Variants in SOS1 observed in about 807,000 individuals in gnomAD.
SOS1 encodes the protein SOS Ras/Rac guanine nucleotide exchange factor 1.
Under a neutral mutation model 157.6 loss-of-function variants are expected in SOS1, and 25 were observed. The ratio of observed to expected loss-of-function variants is 0.16; its 90% CI spans 0.12 to 0.22. The LOEUF is 0.22. SOS1 is among the 10% of genes least tolerant of loss of function. The probability of loss-of-function intolerance (pLI) is 1.00; values close to 1 mark genes in which losing one functional copy is unlikely to be tolerated. For missense variants in SOS1, 1,237 were observed against 1,599.1 expected (o/e 0.77, Z 3.86); for synonymous variants, 528 against 534.0 (o/e 0.99, Z 0.16).
intron 1 of SOS1, among the ~76,000 whole-genome samples, chr2:39,085,847 G>A (rs1672349174): frequency 1.3e-5 from 2 of 152,152 alleles, no homozygotes; most frequent in Admixed American, 1.3e-4. Flanking sequence ...AAGAGACACA[G>A]GCCCCACCCT....
intron 10 of SOS1, among the ~76,000 whole-genome samples, chr2:39,018,122 C>T (rs1669684431): frequency 6.6e-6 from 1 of 151,730 alleles, no homozygotes; most frequent in Non-Finnish European, 1.5e-5. Context: ...CATAAAAATA[C>T]AAAAGCCAGT....
At position 38,989,279 on chromosome 2, in the gene SOS1, G is replaced by T; in HGVS notation, c.3382C>A (p.His1128Asn). 6.2e-7 allele frequency: 1 copy of T among 1,603,664 alleles called. No homozygotes were observed. Among genetic ancestry groups the T allele is most frequent in the Non-Finnish European group, 8.5e-7 (1 of 1,170,872 alleles). The change falls in exon 21 of 23, where the codon CAT (histidine) becomes AAT (asparagine). Residue 1128 changes from histidine to asparagine, a missense_variant. By Grantham distance (68) the His-to-Asn change is moderately conservative (BLOSUM62 1). Transcript: ENST00000402219. ...AACCAAATATACTAACTTGGGCCAT[G>T]GGGCAGAGTAACTTGGATAAAGACG... ...DTVFIQVTLP[H>N]GPRSASVSSI...
chr2:39,040,928 A>C (rs1475789077), intron 6 of SOS1, among the ~76,000 whole-genome samples: 2 of 152,246 alleles, frequency 1.3e-5, no homozygotes, highest in African/African-American at 2.4e-5. Flanking sequence ...ACTGTCTGCC[A>C]AGCAGTTGCT....
At position 39,010,630 on chromosome 2, in the gene SOS1, G is replaced by A; in HGVS notation, c.2464C>T (p.Leu822=). The A allele has an allele frequency of 6.2e-7, 1 of 1,608,760 alleles. No individual in the cohort carries two copies. The highest frequency in any genetic ancestry group is 1.7e-5 in the Admixed American group (1 of 60,004). Residue 822 remains leucine (L), a synonymous_variant, in exon 15 of 23, where the codon CTG becomes TTG. Transcript: ENST00000402219. ...EDKEINSPNL[L]KMIRHTTNLT... is the part of the protein sequence containing the mutation. ...TTGGTGGTATGTCGAATCATTTTCAGAAGATTAGGAGAGTTAATTTCTTTG... is the reference window on the plus strand; with the variant it reads ...TTGGTGGTATGTCGAATCATTTTCAAAAGATTAGGAGAGTTAATTTCTTTG...
chr2:39,028,382 G>A (rs1218735754), intron 8 of SOS1, among the ~76,000 whole-genome samples: 3 of 152,044 alleles, frequency 2.0e-5, no homozygotes, highest in Admixed American at 6.6e-5. Flanking sequence ...AAGAGTGTTT[G>A]ATACATAAAA....
At chr2:39,033,084 T>C (rs1473125904) in intron 8 of SOS1, among the ~76,000 whole-genome samples, 1 of 151,602 alleles carries the variant, frequency 6.6e-6, no homozygotes, top group Non-Finnish European at 1.5e-5. Flanking sequence ...TTTTTTTTTT[T>C]TTCGAGATGG....
At position 38,990,210 on chromosome 2, in the gene SOS1, T is replaced by G. The variant is rs1044574896; in HGVS notation, c.3347-896A>C. Among the ~76,000 whole-genome samples the G allele has an allele frequency of 5.9e-5, 9 of 151,932 alleles. No individual in the cohort carries two copies. In the East Asian group the frequency reaches 9.7e-4, roughly 16 times the overall value. The stretch of plus-strand genomic sequence containing the variant: ...CACAATAGGCAATCCCTCACATAAT[T>G]TGGAATATTAAGTTTATTCAAGCAT... On this transcript the variant is annotated intron_variant, in intron 20 of 22. Transcript: ENST00000402219.
chr2:39,052,085 G>C (rs148389165), intron 5 of SOS1, among the ~76,000 whole-genome samples: 1 of 152,088 alleles, frequency 6.6e-6, no homozygotes, highest in Non-Finnish European at 1.5e-5. Context: ...CCTCTCCCCA[G>C]TGCCTGACAA....
chr2:39,067,042 A>G (rs1671610385), intron 2 of SOS1, among the ~76,000 whole-genome samples: 1 of 151,078 alleles, frequency 6.6e-6, no homozygotes. Context: ...AACTTTTAGC[A>G]TTTTTTTTTG....
intron 1 of SOS1, among the ~76,000 whole-genome samples, chr2:39,114,755 T>G (rs1171006872): frequency 1.3e-5 from 2 of 151,978 alleles, no homozygotes; most frequent in Non-Finnish European, 2.9e-5. Context: ...CACCACCACG[T>G]CAGGCTAATT....
chr2:39,087,264 T>A (rs967607117), intron 1 of SOS1, among the ~76,000 whole-genome samples: 2 of 152,188 alleles, frequency 1.3e-5, no homozygotes, highest in African/African-American at 4.8e-5. Context: ...ATTAACATAG[T>A]AATACTTCAT....
Position 38,995,147 on chromosome 2 carries a change from C to A in SOS1, c.3322G>T (p.Asp1108Tyr). 1.9e-6 allele frequency: 3 copies of A among 1,613,920 alleles called. No individual in the cohort carries two copies. The highest frequency in any genetic ancestry group is 2.2e-5 in the South Asian group (2 of 91,026). The stretch of plus-strand genomic sequence containing the variant: ...CTTGAGTGAAAAGGGCTCGAATGAT[C>A]GGAATCAAATACACTGCAAACATCT... The part of the protein sequence containing the change: ...TTDVCSVFDS[D>Y]HSSPFHSSND... Residue 1108 changes from aspartate to tyrosine, a missense_variant, in exon 20 of 23, where the codon GAT becomes TAT. Asp to Tyr is a radical substitution (Grantham distance 160, BLOSUM62 -3). Coordinates refer to ENST00000402219, the MANE Select transcript of SOS1 (RefSeq NM_005633.4).
intron 6 of SOS1, among the ~76,000 whole-genome samples, chr2:39,050,673 G>C (rs1670979792): frequency 6.6e-6 from 1 of 152,118 alleles, no homozygotes; most frequent in African/African-American, 2.4e-5. Flanking sequence ...TTTCATATTT[G>C]GGATTTTTGG....
chr2:39,084,757 T>A (rs1672317049), intron 1 of SOS1, among the ~76,000 whole-genome samples: 1 of 152,248 alleles, frequency 6.6e-6, no homozygotes, highest in African/African-American at 2.4e-5. Flanking sequence ...TGTCAAGTGC[T>A]AAATTCATAT....
intron 14 of SOS1, 90 bp from the exon 15 acceptor site, chr2:39,010,793 ACT>A: frequency 9.4e-7 from 1 of 1,062,420 alleles, no homozygotes; most frequent in Non-Finnish European, 1.4e-6. Context: ...TAAAAACTAA[ACT>A]CTCATATGAA....
chr2:39,051,005 C>A, intron 6 of SOS1, 139 bp downstream of exon 6: 1 of 791,660 alleles, frequency 1.3e-6, no homozygotes, highest in African/African-American at 1.7e-5. Context: ...GACAATGACC[C>A]TATGAAAAAG....
At chr2:39,080,153 CTTGTTT>C (rs1175751587) in intron 1 of SOS1, among the ~76,000 whole-genome samples, 2 of 151,778 alleles carry the variant, frequency 1.3e-5, no homozygotes, top group Non-Finnish European at 2.9e-5. Context: ...GAGCCCTGTG[CTTGTTT>C]TTCTGCAACT....
At position 38,995,304 on chromosome 2, in the gene SOS1, A is replaced by G. The variant is rs575360875; in HGVS notation, c.3165T>C (p.Pro1055=). ...TAATTTTCCTTGGCTCCTGCTGCAGAGGTGTGGGATGCCTCATGGTACCTG... is the reference window on the plus strand; with the variant it reads ...TAATTTTCCTTGGCTCCTGCTGCAGGGGTGTGGGATGCCTCATGGTACCTG... The part of the protein sequence containing the change: ...PRPGTMRHPT[P]LQQEPRKISY... Residue 1055 remains proline, a synonymous_variant, in exon 20 of 23, where the codon CCT becomes CCC. Transcript: ENST00000402219. The G allele has an allele frequency of 6.2e-7, 1 of 1,613,894 alleles. No homozygotes were observed. The highest frequency in any genetic ancestry group is 2.2e-5 in the East Asian group (1 of 44,866).
chr2:39,003,320 C>T (rs1377839633), intron 17 of SOS1, among the ~76,000 whole-genome samples: 1 of 151,982 alleles, frequency 6.6e-6, no homozygotes. Context: ...AATTCTGTAG[C>T]AAGAAGGATG....
Sources: gnomAD v4.1 joint callset for allele counts (sites outside exome capture counted in the v4.1 genomes callset) on GRCh38, gnomAD v4.1.1 for gene constraint, MANE v1.5 for transcripts, NCBI Gene and HGNC (gene_info 2026-07-23, HGNC 2026-07-21) for gene names.